LNPEP: variants seen among roughly 807,000 people sequenced by gnomAD.
The protein encoded by LNPEP is leucyl and cystinyl aminopeptidase.
In LNPEP, 64 loss-of-function variants were observed where a neutral mutation model predicts 120.6. That is an observed-to-expected ratio of 0.53 (90% CI 0.43 to 0.65). LNPEP has a LOEUF of 0.65. Among genes scored for constraint, LNPEP ranks in the 30% least tolerant of loss-of-function variants. LNPEP has a pLI of 0.00. For synonymous variants in LNPEP, 435 were observed against 425.4 expected, an observed-to-expected ratio of 1.02 and a Z score of -0.28; for missense variants, 1,057 against 1,200.0, an observed-to-expected ratio of 0.88 and a Z score of 1.76.
intron 4 of LNPEP, among the ~76,000 whole-genome samples, chr5:96,989,239 G>T (rs191240619): frequency 0.017 from 2,363 of 142,474 alleles, 46 homozygotes; most frequent in Middle Eastern, 0.033. Context: ...ATGTGTGTGT[G>T]TAAGTGTATA....
At chr5:97,010,859 C>T in intron 11 of LNPEP, 1 of 985,330 alleles carries the variant, frequency 1.0e-6, no homozygotes, top group Non-Finnish European at 1.2e-6. Flanking sequence ...TTTTCAATAC[C>T]TGTGGTTTTA....
At chr5:97,028,119 CTACTT>C (rs199910354) in intron 17 of LNPEP, among the ~76,000 whole-genome samples, 3,188 of 152,260 alleles carry the variant, frequency 0.021, 50 homozygotes, top group Non-Finnish European at 0.036. Context: ...CCTTTGGACT[CTACTT>C]TATTTATTGT....
At chr5:96,988,341 T>TTC (rs1554068530) in intron 4 of LNPEP, among the ~76,000 whole-genome samples, 1 of 144,160 alleles carries the variant, frequency 6.9e-6, no homozygotes, top group Non-Finnish European at 1.5e-5. Flanking sequence ...TTTCTTTTCT[T>TTC]TTTTTTTTTT....
intron 4 of LNPEP, among the ~76,000 whole-genome samples, chr5:96,992,644 ATAAG>A (rs1790417958): frequency 6.6e-6 from 1 of 152,176 alleles, no homozygotes; most frequent in Non-Finnish European, 1.5e-5. Flanking sequence ...TTTTTACCTC[ATAAG>A]TAAGGAAGGG....
rs145032240 is a variant in LNPEP, at chr5:96,994,884, C to T, written c.1407+913C>T. On this transcript the variant is annotated intron_variant, in intron 6 of 17. Coordinates refer to ENST00000231368, the MANE Select transcript of LNPEP (RefSeq NM_005575.3). The stretch of plus-strand genomic sequence containing the variant: ...CAGCACTTTGAGAGGCGGAGGCAGG[C>T]GTATCACAAGGTCAGGAGATCAAGA... 3.2e-3 allele frequency among the ~76,000 whole-genome samples: 486 copies of T among 152,194 alleles called. 7 individuals carry two copies. The East Asian group carries it at 0.036, about 11-fold the overall frequency.
intron 4 of LNPEP, among the ~76,000 whole-genome samples, chr5:96,989,308 GTATATTA>G (rs1340528478): frequency 0.047 from 2,557 of 54,106 alleles, 51 homozygotes; most frequent in South Asian, 0.067. Context: ...ATAATATATT[GTATATTA>G]TATATAATAT....
intron 11 of LNPEP, among the ~76,000 whole-genome samples, chr5:97,008,936 G>A (rs1019088188): frequency 2.6e-5 from 4 of 152,048 alleles, no homozygotes; most frequent in Non-Finnish European, 5.9e-5. Flanking sequence ...ACAAGCGTGA[G>A]CCACTGTGCC....
At chr5:97,014,878 A>G (rs1791024713) in intron 12 of LNPEP, 61 bp from the exon 13 acceptor site, 1 of 1,211,452 alleles carries the variant, frequency 8.3e-7, no homozygotes. Flanking sequence ...CTCTTTTAGC[A>G]TGCATAGACT....
In LNPEP at chr5:97,036,458, C is replaced by T. The variant is rs1434409370; in HGVS notation, c.*7925C>T. 1.3e-5 allele frequency: 2 copies of T among 152,130 alleles called. No homozygotes were observed. The highest frequency in any genetic ancestry group is 6.6e-5 in the Admixed American group (1 of 15,256). 9.4% of individuals were successfully genotyped at this position (152,130 alleles called of 1,614,324 possible). ...TTAGCCTTGTATTTTGTGTGCATAT[C>T]ATGTATCCAGACCTGTATGTTCGCT... On this transcript the variant is annotated 3_prime_UTR_variant, in exon 18 of 18. Transcript: ENST00000231368.
Position 97,015,348 on chromosome 5 carries a change from G to A in LNPEP, c.2376+253G>A, listed in dbSNP as rs530874132. Among the ~76,000 whole-genome samples, 298 of 152,224 alleles carry A rather than the reference G, an allele frequency of 2.0e-3. 2 individuals carry two copies. The highest frequency in any genetic ancestry group is 2.8e-3 in the Non-Finnish European group (191 of 67,986). ...CACCACTGTCAAAATGAGGTCACATGAGAATAATATTTCTCTATTCAGATC... is the reference window on the plus strand; with the variant it reads ...CACCACTGTCAAAATGAGGTCACATAAGAATAATATTTCTCTATTCAGATC... On this transcript the variant is annotated intron_variant, in intron 13 of 17. Coordinates refer to ENST00000231368, the MANE Select transcript of LNPEP (RefSeq NM_005575.3).
intron 1 of LNPEP, among the ~76,000 whole-genome samples, chr5:96,971,357 G>GTGTC: frequency 6.6e-6 from 1 of 151,316 alleles, no homozygotes; most frequent in East Asian, 1.9e-4. Context: ...GTGTGTGTGT[G>GTGTC]TGTGTGTGTG....
chr5:97,023,315 G>A (rs1165021227), intron 14 of LNPEP, among the ~76,000 whole-genome samples: 4 of 151,908 alleles, frequency 2.6e-5, no homozygotes, highest in South Asian at 4.2e-4. Context: ...GTGCAGTGGC[G>A]CGATCTCAGC....
intron 2 of LNPEP, among the ~76,000 whole-genome samples, chr5:96,980,664 G>C (rs1288059029): frequency 6.6e-6 from 1 of 152,146 alleles, no homozygotes; most frequent in Non-Finnish European, 1.5e-5. Flanking sequence ...CAGTATGGAG[G>C]TTATTCTTAA....
chr5:96,972,837 C>G (rs1419258148), intron 1 of LNPEP, among the ~76,000 whole-genome samples: 1 of 152,102 alleles, frequency 6.6e-6, no homozygotes, highest in African/African-American at 2.4e-5. Context: ...CTTCTCGCCT[C>G]CCACCCTCAG....
chr5:96,969,818 A>G (rs888098941), intron 1 of LNPEP, among the ~76,000 whole-genome samples: 5 of 151,050 alleles, frequency 3.3e-5, no homozygotes, highest in Non-Finnish European at 1.5e-5. Flanking sequence ...AAATGTCGTT[A>G]TTTTTAAACC....
intron 1 of LNPEP, among the ~76,000 whole-genome samples, chr5:96,955,351 A>G (rs766368763): frequency 9.9e-5 from 15 of 152,128 alleles, no homozygotes; most frequent in Non-Finnish European, 1.9e-4. Context: ...GCGGTGGCTC[A>G]TGCCTGTAAA....
chr5:96,948,120 C>CT (rs769737708), intron 1 of LNPEP, among the ~76,000 whole-genome samples: 5,874 of 142,674 alleles, frequency 0.041, 218 homozygotes, highest in Middle Eastern at 0.12. Context: ...ACAAATTTCT[C>CT]TTTTTTTTTT....
intron 8 of LNPEP, among the ~76,000 whole-genome samples, chr5:97,002,343 T>C (rs571001554): frequency 3.3e-5 from 5 of 152,276 alleles, no homozygotes; most frequent in East Asian, 3.9e-4. Flanking sequence ...AGAGAGTCTT[T>C]TATTTGTTTA....
intron 11 of LNPEP, among the ~76,000 whole-genome samples, chr5:97,007,472 A>G (rs1441913779): frequency 6.6e-6 from 1 of 152,210 alleles, no homozygotes; most frequent in Non-Finnish European, 1.5e-5. Flanking sequence ...AGCACCTAGA[A>G]CAATGCCTGG....
Sources: gnomAD v4.1 joint callset for allele counts (sites outside exome capture counted in the v4.1 genomes callset) on GRCh38, gnomAD v4.1.1 for gene constraint, MANE v1.5 for transcripts, NCBI Gene and HGNC (gene_info 2026-07-23, HGNC 2026-07-21) for gene names.